SLC8A3: variants seen among roughly 807,000 people sequenced by gnomAD.
The protein encoded by SLC8A3 is sodium/calcium exchanger 3.
A neutral mutation model predicts 65.4 loss-of-function variants in SLC8A3; 37 were observed. That is an observed-to-expected ratio of 0.57 (90% CI 0.44 to 0.74). The LOEUF is 0.74. Ranked by LOEUF, SLC8A3 falls within the 30% of genes least tolerant of loss-of-function variation. The probability of loss-of-function intolerance (pLI) is 0.00; values close to 1 mark genes in which losing one functional copy is unlikely to be tolerated. For synonymous variants in SLC8A3, 461 were observed against 444.5 expected, an observed-to-expected ratio of 1.04 and a Z score of -0.47; for missense variants, 1,112 against 1,172.1, an observed-to-expected ratio of 0.95 and a Z score of 0.75.
intron 2 of SLC8A3, among the ~76,000 whole-genome samples, chr14:70,081,874 G>GA (rs1891075655): frequency 6.6e-6 from 1 of 152,194 alleles, no homozygotes. Flanking sequence ...AGGAGATTCT[G>GA]AAGGTGCTGT....
intron 1 of SLC8A3, among the ~76,000 whole-genome samples, chr14:70,182,090 C>T (rs905384584): frequency 1.3e-5 from 2 of 152,044 alleles, no homozygotes; most frequent in African/African-American, 4.8e-5. Context: ...TTATAAAATA[C>T]ATCAAGCAAT....
intron 2 of SLC8A3, among the ~76,000 whole-genome samples, chr14:70,073,552 C>T (rs577853228): frequency 1.3e-5 from 2 of 152,156 alleles, no homozygotes; most frequent in African/African-American, 4.8e-5. Context: ...AAATCCCCTT[C>T]TTGGAAAGGC....
intron 2 of SLC8A3, among the ~76,000 whole-genome samples, chr14:70,120,252 G>C (rs182652060): frequency 2.0e-5 from 3 of 152,220 alleles, no homozygotes; most frequent in African/African-American, 4.8e-5. Flanking sequence ...CAGCTAGCGT[G>C]AAATACCATG....
intron 1 of SLC8A3, among the ~76,000 whole-genome samples, chr14:70,184,197 G>A (rs753404631): frequency 4.6e-5 from 7 of 152,194 alleles, no homozygotes; most frequent in South Asian, 2.1e-4. Flanking sequence ...ATAGACTGCC[G>A]GGACCATACA....
chr14:70,177,630 C>T (rs570843673), intron 1 of SLC8A3, among the ~76,000 whole-genome samples: 56 of 152,256 alleles, frequency 3.7e-4, no homozygotes, highest in Non-Finnish European at 6.9e-4. Flanking sequence ...CATGGAAGCC[C>T]GAACAAGCAG....
intron 1 of SLC8A3, among the ~76,000 whole-genome samples, chr14:70,180,711 T>G (rs779540371): frequency 5.9e-5 from 9 of 152,170 alleles, no homozygotes; most frequent in Non-Finnish European, 1.2e-4. Flanking sequence ...GGGGGCTCTA[T>G]GAAAGGCAGA....
intron 2 of SLC8A3, among the ~76,000 whole-genome samples, chr14:70,092,818 T>C (rs1421233795): frequency 6.6e-6 from 1 of 152,232 alleles, no homozygotes; most frequent in East Asian, 1.9e-4. Flanking sequence ...TGGAACTTTC[T>C]TTCTCATGCT....
chr14:70,122,281 AT>A (rs1037581671), intron 2 of SLC8A3, among the ~76,000 whole-genome samples: 4 of 151,920 alleles, frequency 2.6e-5, no homozygotes, highest in Non-Finnish European at 4.4e-5. Context: ...CTCCTGACCC[AT>A]TTTTTCTTTT....
intron 2 of SLC8A3, among the ~76,000 whole-genome samples, chr14:70,128,901 C>T (rs1023721547): frequency 6.6e-6 from 1 of 152,162 alleles, no homozygotes; most frequent in Non-Finnish European, 1.5e-5. Flanking sequence ...GATGTCTTGA[C>T]ATTTGTCAAT....
At chr14:70,147,149 CTA>C (rs1365547610) in intron 2 of SLC8A3, among the ~76,000 whole-genome samples, 9 of 152,082 alleles carry the variant, frequency 5.9e-5, no homozygotes, top group African/African-American at 1.9e-4. Context: ...GAAAGGTTTT[CTA>C]TGGTATTTGA....
intron 2 of SLC8A3, among the ~76,000 whole-genome samples, chr14:70,138,906 G>T (rs1054253897): frequency 1.3e-5 from 2 of 152,326 alleles, no homozygotes; most frequent in Non-Finnish European, 2.9e-5. Context: ...AGTAGGCTTC[G>T]CATTGGCTAT....
At chr14:70,181,321 G>T (rs988090401) in intron 1 of SLC8A3, among the ~76,000 whole-genome samples, 6 of 151,208 alleles carry the variant, frequency 4.0e-5, no homozygotes, top group Admixed American at 1.3e-4. Context: ...TCTTGACCTT[G>T]TTTCACCTGC....
chr14:70,187,037 C>T (rs2140465177), intron 1 of SLC8A3: 1 of 152,430 alleles, frequency 6.6e-6, no homozygotes, highest in South Asian at 2.1e-4. Context: ...TTTGGTGCCC[C>T]ACCGGAAGGC....
rs548296449 is a variant in SLC8A3, at chr14:70,168,011, G to T, written c.412C>A (p.Leu138Ile). The T allele has an allele frequency of 6.2e-7, 1 of 1,614,136 alleles. No individual in the cohort carries two copies. The highest frequency in any genetic ancestry group is 8.5e-7 in the Non-Finnish European group (1 of 1,180,018). The change falls in exon 2 of 7, where the codon CTT (leucine) becomes ATT (isoleucine). Residue 138 changes from leucine to isoleucine, a missense_variant. Leu to Ile is a conservative substitution (Grantham distance 5, BLOSUM62 2). Transcript: ENST00000356921. ...VWNETVSNLT[L>I]MALGSSAPEI... Reference sequence around the variant, plus strand: ...GGAGCAGAGGAACCCAGGGCCATAAGGGTCAGGTTGGAGACAGTTTCATTC... The same window carrying T: ...GGAGCAGAGGAACCCAGGGCCATAATGGTCAGGTTGGAGACAGTTTCATTC...
At chr14:70,163,683 C>A (rs1186308396) in intron 2 of SLC8A3, among the ~76,000 whole-genome samples, 1 of 152,268 alleles carries the variant, frequency 6.6e-6, no homozygotes, top group East Asian at 1.9e-4. Context: ...TTCAATTAAG[C>A]AAGTTGTCTG....
At chr14:70,140,502 G>A (rs1045620938) in intron 2 of SLC8A3, among the ~76,000 whole-genome samples, 1 of 152,190 alleles carries the variant, frequency 6.6e-6, no homozygotes. Flanking sequence ...TGTGTTTGCA[G>A]GATATACTAG....
chr14:70,110,527 C>CT (rs917035572), intron 2 of SLC8A3, among the ~76,000 whole-genome samples: 12 of 151,142 alleles, frequency 7.9e-5, no homozygotes, highest in African/African-American at 1.7e-4. Flanking sequence ...GGATCTCATT[C>CT]TTTTTTTTTA....
chr14:70,075,127 G>A (rs948633296), intron 2 of SLC8A3, among the ~76,000 whole-genome samples: 1 of 152,072 alleles, frequency 6.6e-6, no homozygotes, highest in Non-Finnish European at 1.5e-5. Flanking sequence ...GTGTGTATGT[G>A]TGTGTGTGTG....
intron 1 of SLC8A3, among the ~76,000 whole-genome samples, chr14:70,183,373 G>A (rs921328298): frequency 3.9e-5 from 6 of 152,168 alleles, no homozygotes; most frequent in African/African-American, 1.4e-4. Flanking sequence ...ATACACATGT[G>A]AGTCTCCTGT....
Sources: gnomAD v4.1 joint callset for allele counts (sites outside exome capture counted in the v4.1 genomes callset) on GRCh38, gnomAD v4.1.1 for gene constraint, MANE v1.5 for transcripts, NCBI Gene and HGNC (gene_info 2026-07-23, HGNC 2026-07-21) for gene names.